Variants in CEP120 observed in about 807,000 individuals in gnomAD.
The protein encoded by CEP120 is centrosomal protein 120.
In CEP120, 113 loss-of-function variants were observed where a neutral mutation model predicts 126.5. The ratio of observed to expected loss-of-function variants is 0.89; its 90% CI spans 0.77 to 1.04. The LOEUF (loss-of-function observed/expected upper bound fraction) is 1.04. Among genes scored for constraint, CEP120 ranks in the 50% least tolerant of loss-of-function variants. The pLI is 0.00. For synonymous variants in CEP120, 400 were observed against 394.3 expected (o/e 1.01, Z -0.17); for missense variants, 1,230 against 1,155.7 (o/e 1.06, Z -0.93).
intron 14 of CEP120, among the ~76,000 whole-genome samples, chr5:123,379,338 T>G (rs1771484102): frequency 6.6e-6 from 1 of 152,096 alleles, no homozygotes; most frequent in East Asian, 1.9e-4. Context: ...CTCCTGGACT[T>G]TAGTTTCACA....
chr5:123,407,006 T>A (rs144394552), intron 4 of CEP120, among the ~76,000 whole-genome samples: 1 of 151,352 alleles, frequency 6.6e-6, no homozygotes, highest in Non-Finnish European at 1.5e-5. Flanking sequence ...TGAAGCAGTA[T>A]AGTGTTATTT....
intron 9 of CEP120, among the ~76,000 whole-genome samples, chr5:123,387,521 A>T (rs1772109189): frequency 6.6e-6 from 1 of 152,176 alleles, no homozygotes; most frequent in Admixed American, 6.5e-5. Flanking sequence ...TGCAAACTAC[A>T]ATTTCATACC....
At chr5:123,356,836 G>A (rs900120260) in intron 18 of CEP120, among the ~76,000 whole-genome samples, 4 of 151,812 alleles carry the variant, frequency 2.6e-5, no homozygotes, top group Non-Finnish European at 5.9e-5. Flanking sequence ...TACTGTTATT[G>A]TTGTTTTCCT....
At chr5:123,377,139 G>T (rs1771286401) in intron 16 of CEP120, among the ~76,000 whole-genome samples, 1 of 152,032 alleles carries the variant, frequency 6.6e-6, no homozygotes, top group South Asian at 2.1e-4. Context: ...TTTGCTTAAA[G>T]AAGACTTATC....
chr5:123,407,491 G>A (rs1467940020), intron 4 of CEP120, among the ~76,000 whole-genome samples: 1 of 152,124 alleles, frequency 6.6e-6, no homozygotes, highest in Non-Finnish European at 1.5e-5. Flanking sequence ...AGGGAAAGGA[G>A]GAATATTACA....
Position 123,391,317 on chromosome 5 carries a change from G to C in CEP120, c.831C>G (p.Asp277Glu). 1 of 1,613,718 alleles carries C rather than the reference G, an allele frequency of 6.2e-7. No individual in the cohort carries two copies. Among genetic ancestry groups the C allele is most frequent in the Non-Finnish European group, 8.5e-7 (1 of 1,179,626 alleles). The change falls in exon 7 of 20, where the codon GAC (aspartate) becomes GAG (glutamate). Residue 277 changes from aspartate to glutamate, a missense_variant. Asp to Glu is a conservative substitution (Grantham distance 45). Coordinates refer to ENST00000306467, the MANE Select transcript of CEP120 (RefSeq NM_001375405.1). The part of the protein sequence containing the change: ...SKLQIHLCCG[D>E]QSLGSTEIPL... ...GTATTTCTGTACTTCCAAGTGACTG[G>C]TCTCCACAGCAGAGGTGAATCTAAT...
rs1207159609 is a variant in CEP120 at position 123,377,460 on chromosome 5, C to T, written c.2272G>A (p.Ala758Thr). The stretch of plus-strand genomic sequence containing the variant: ...ACTTGGTGAATACAGTCCTCTTTGG[C>T]CCTACGGATAGAGTCCTGCAGTTCT... ...LQELQDSIRR[A>T]KEDCIHQVEL... is the part of the protein sequence containing the mutation. Residue 758 changes from alanine to threonine, a missense_variant, in exon 16 of 20, where the codon GCC becomes ACC. Transcript: ENST00000306467. The T allele has an allele frequency of 6.2e-7, 1 of 1,611,330 alleles. No homozygotes were observed. Among genetic ancestry groups the T allele is most frequent in the Non-Finnish European group, 8.5e-7 (1 of 1,179,196 alleles).
rs773930908 is a variant in CEP120, at chr5:123,378,367, C to G, written c.2165G>C (p.Arg722Pro). Residue 722 changes from arginine to proline, a missense_variant, in exon 15 of 20, where the codon CGA becomes CCA. Coordinates refer to ENST00000306467, the MANE Select transcript of CEP120 (RefSeq NM_001375405.1). Reference protein sequence around the residue: ...LQKTLIDLEKREQQLASVESE... With the variant: ...LQKTLIDLEKPEQQLASVESE... ...TTCCACACTAGCAAGCTGCTGCTCTCGCTTCTCCAAGTCAATTAGAGTTTT... is the reference window on the plus strand; with the variant it reads ...TTCCACACTAGCAAGCTGCTGCTCTGGCTTCTCCAAGTCAATTAGAGTTTT... 12 of 1,608,148 alleles carry G rather than the reference C, an allele frequency of 7.5e-6. No individual in the cohort carries two copies. Among genetic ancestry groups the G allele is most frequent in the Non-Finnish European group, 1.0e-5 (12 of 1,177,672 alleles).
chr5:123,384,865 TG>T, intron 11 of CEP120, 85 bp downstream of exon 11: 1 of 1,155,238 alleles, frequency 8.7e-7, no homozygotes, highest in Non-Finnish European at 1.2e-6. Context: ...AAAGAGGTTA[TG>T]GAAGGGTGAA....
In CEP120 at chr5:123,364,531, C is replaced by A; in HGVS notation, c.2545G>T (p.Gly849Ter). 1 of 1,607,036 alleles carries A rather than the reference C, an allele frequency of 6.2e-7. No individual in the cohort carries two copies. The highest frequency in any genetic ancestry group is 8.5e-7 in the Non-Finnish European group (1 of 1,175,414). ...CTGGCAAGTTCTTTCAAAGCTCGTC[C>A]CCACTGCTGCTTGTAATGCAGTTTA... ...KSKLHYKQQW[G>*]RALKELARLK... is the part of the protein sequence containing the mutation. The change falls in exon 18 of 20, where the codon GGA (glycine) becomes TGA (stop). Residue 849 changes from glycine to a stop codon, truncating the protein, a stop_gained. Transcript: ENST00000306467. LOFTEE classifies it high-confidence loss of function.
intron 16 of CEP120, among the ~76,000 whole-genome samples, chr5:123,375,024 C>A (rs1260484860): frequency 2.0e-5 from 3 of 152,026 alleles, no homozygotes; most frequent in Non-Finnish European, 2.9e-5. Flanking sequence ...TGTAACTGTC[C>A]CTTCTACCAG....
chr5:123,386,666 A>C lies in CEP120; in HGVS notation c.1432T>G (p.Tyr478Asp). Residue 478 changes from tyrosine to aspartate, a missense_variant and splice_region_variant, in exon 10 of 20, where the codon TAC becomes GAC. Transcript: ENST00000306467. ...IGFPINCILRYSYPFFGSAAP... is the reference protein window; with the variant it reads ...IGFPINCILRDSYPFFGSAAP... ...GCACTTCCAAAGAATGGATATGAGT[A>C]CCTAGAATTTAAAAAAAAAAAAAAA... is the stretch of plus-strand genomic sequence containing the variant. 1.1e-6 allele frequency: 1 copy of C among 869,994 alleles called. No homozygotes were observed. The highest frequency in any genetic ancestry group is 1.6e-6 in the Non-Finnish European group (1 of 623,634). 53.9% of individuals were successfully genotyped at this position (869,994 alleles called of 1,614,324 possible). A position where few individuals can be genotyped will look rare whatever the true frequency, so the allele number is the denominator to read the frequency against.
In CEP120 at chr5:123,412,551, A is replaced by C; in HGVS notation, c.322-11T>G. 6.3e-7 allele frequency: 1 copy of C among 1,578,260 alleles called. No individual in the cohort carries two copies. The highest frequency in any genetic ancestry group is 8.6e-7 in the Non-Finnish European group (1 of 1,163,156). On this transcript the variant is annotated splice_polypyrimidine_tract_variant and intron_variant, in intron 3 of 19. Coordinates refer to ENST00000306467, the MANE Select transcript of CEP120 (RefSeq NM_001375405.1). ...GTACCATTTTGGTGCCTAGAGAATA[A>C]TAAAATAACAAAACACCTAATAGTT...
chr5:123,348,185 T>A (rs930725300), intron 19 of CEP120, among the ~76,000 whole-genome samples: 1 of 152,244 alleles, frequency 6.6e-6, no homozygotes. Flanking sequence ...TTATAGCTTA[T>A]ACAGAGGACT....
chr5:123,412,436 G>T lies in CEP120; in HGVS notation c.426C>A (p.Ser142Arg). ...LETDTKPPVD[S>R]FKAKGAPPRD... ...GAGGGGGAGCCCCCTTTGCTTTAAA[G>T]CTATCCACTGGTGGCTTTGTATCGG... Residue 142 changes from serine (S) to arginine (R), a missense_variant, in exon 4 of 20, where the codon AGC (serine) becomes AGA (arginine). Coordinates refer to ENST00000306467, the MANE Select transcript of CEP120 (RefSeq NM_001375405.1). 1 of 1,611,214 alleles carries T rather than the reference G, an allele frequency of 6.2e-7. No individual in the cohort carries two copies. Among genetic ancestry groups the T allele is most frequent in the Non-Finnish European group, 8.5e-7 (1 of 1,178,988 alleles).
chr5:123,388,889 G>A (rs1772203144), intron 8 of CEP120, among the ~76,000 whole-genome samples: 1 of 152,184 alleles, frequency 6.6e-6, no homozygotes, highest in Non-Finnish European at 1.5e-5. Flanking sequence ...CTGCAGCCTA[G>A]AAGGCACTAA....
chr5:123,382,048 C>A, intron 14 of CEP120, 63 bp downstream of exon 14: 1 of 1,157,542 alleles, frequency 8.6e-7, no homozygotes. Flanking sequence ...GTCTTTAACG[C>A]AAATACAAGA....
At chr5:123,356,041 T>C (rs1467944860) in intron 18 of CEP120, among the ~76,000 whole-genome samples, 3 of 152,304 alleles carry the variant, frequency 2.0e-5, no homozygotes, top group African/African-American at 7.2e-5. Context: ...GGGAATCCTT[T>C]CCCCATTTCC....
intron 4 of CEP120, among the ~76,000 whole-genome samples, chr5:123,410,614 G>T (rs1171617935): frequency 1.3e-5 from 2 of 152,204 alleles, no homozygotes; most frequent in African/African-American, 2.4e-5. Flanking sequence ...AATGGTGCTG[G>T]AACAACTGGA....
Sources: gnomAD v4.1 joint callset for allele counts (sites outside exome capture counted in the v4.1 genomes callset) on GRCh38, gnomAD v4.1.1 for gene constraint, MANE v1.5 for transcripts, NCBI Gene and HGNC (gene_info 2026-07-23, HGNC 2026-07-21) for gene names.